NECTIN3: variants seen among roughly 807,000 people sequenced by gnomAD.
NECTIN3 encodes nectin-3.
Under a neutral mutation model 49.4 loss-of-function variants are expected in NECTIN3, and 8 were observed. The observed-to-expected ratio is 0.16, with a 90% confidence interval of 0.10 to 0.29. The LOEUF is 0.29. NECTIN3 is among the 10% of genes least tolerant of loss of function. The pLI is 1.00. For synonymous variants in NECTIN3, 277 were observed against 241.1 expected (o/e 1.15, Z -1.38); for missense variants, 581 against 654.6 (o/e 0.89, Z 1.23).
chr3:111,088,640 A>T (rs2032076427), intron 1 of NECTIN3, among the ~76,000 whole-genome samples: 1 of 152,144 alleles, frequency 6.6e-6, no homozygotes, highest in Non-Finnish European at 1.5e-5. Flanking sequence ...GGTGAATTAC[A>T]TTTATAAAAA....
At chr3:111,189,073 A>G (rs2035770456), upstream of NECTIN3, among the ~76,000 whole-genome samples, 1 of 152,068 alleles carries the variant, frequency 6.6e-6, no homozygotes, top group South Asian at 2.1e-4. Context: ...ACTTTTCAAC[A>G]TGATTGTACT....
chr3:111,085,204 A>G (rs1007824633), intron 1 of NECTIN3, among the ~76,000 whole-genome samples: 1 of 152,334 alleles, frequency 6.6e-6, no homozygotes, highest in South Asian at 2.1e-4. Context: ...TGGACACTCT[A>G]TTTCCAAATA....
intron 5 of NECTIN3, among the ~76,000 whole-genome samples, chr3:111,143,262 C>T (rs1020400173): frequency 2.6e-5 from 4 of 151,444 alleles, no homozygotes; most frequent in African/African-American, 9.7e-5. Context: ...AATTGAGCAA[C>T]AATAGATAAA....
rs1216132036 is a variant in NECTIN3 at position 111,071,914 on chromosome 3, G to GACGCGCGCGCCGGAC, written c.-103_-89dup. ...GACGGCGCTAGAGCTGGGAGCTGGG[G>GACGCGCGCGCCGGAC]ACGCGCGCGCCGGACCTTCCACAGC... On this transcript the variant is annotated 5_prime_UTR_variant, in exon 1 of 6. Coordinates refer to ENST00000485303, the MANE Select transcript of NECTIN3 (RefSeq NM_015480.3). 1 of 742,796 alleles carries GACGCGCGCGCCGGAC rather than the reference G, an allele frequency of 1.3e-6. No homozygotes were observed. Among genetic ancestry groups the GACGCGCGCGCCGGAC allele is most frequent in the Non-Finnish European group, 1.9e-6 (1 of 526,102 alleles). 46.0% of individuals were successfully genotyped at this position (742,796 alleles called of 1,614,324 possible).
chr3:111,176,591 C>T (rs894424731), intron 7 of NECTIN3, among the ~76,000 whole-genome samples: 1 of 152,050 alleles, frequency 6.6e-6, no homozygotes, highest in Non-Finnish European at 1.5e-5. Context: ...CAGACAGTTT[C>T]TCTTTGTATT....
intron 7 of NECTIN3, among the ~76,000 whole-genome samples, chr3:111,151,406 T>C (rs1392383710): frequency 6.6e-6 from 1 of 151,940 alleles, no homozygotes; most frequent in Non-Finnish European, 1.5e-5. Context: ...ATAATATCAC[T>C]GTATCAAGTA....
chr3:111,142,548 T>C (rs2034773929), downstream of NECTIN3, among the ~76,000 whole-genome samples: 2 of 151,812 alleles, frequency 1.3e-5, no homozygotes, highest in South Asian at 4.1e-4. Flanking sequence ...TGTTTAAGAA[T>C]ATATATTTAG....
At chr3:111,080,332 G>C (rs1037934531) in intron 1 of NECTIN3, among the ~76,000 whole-genome samples, 6 of 151,852 alleles carry the variant, frequency 4.0e-5, no homozygotes, top group Non-Finnish European at 8.8e-5. Flanking sequence ...TATATTTATA[G>C]TTAATAGTAA....
intron 1 of NECTIN3, chr3:111,072,468 C>G (rs1379127772): frequency 1.3e-6 from 2 of 1,535,794 alleles, no homozygotes; most frequent in South Asian, 2.4e-5. Context: ...TCCGGGTTTG[C>G]TCCGGGGACC....
chr3:111,140,930 G>A (rs982971805), downstream of NECTIN3, among the ~76,000 whole-genome samples: 7 of 151,852 alleles, frequency 4.6e-5, no homozygotes, highest in Admixed American at 2.6e-4. Context: ...AAGATAAGTG[G>A]TAATATTTCT....
chr3:111,171,096 A>G (rs1276130144), intron 7 of NECTIN3, among the ~76,000 whole-genome samples: 1 of 152,196 alleles, frequency 6.6e-6, no homozygotes, highest in East Asian at 1.9e-4. Context: ...ACCTCATGAA[A>G]TTCTCATAAC....
intron 1 of NECTIN3, among the ~76,000 whole-genome samples, chr3:111,086,194 A>G (rs1373085744): frequency 1.3e-5 from 2 of 151,624 alleles, no homozygotes; most frequent in Admixed American, 6.6e-5. Context: ...CTAAATATGA[A>G]CCCTTTGTTA....
intron 3 of NECTIN3, 102 bp downstream of exon 3, chr3:111,119,054 T>C: frequency 1.8e-6 from 2 of 1,109,754 alleles, no homozygotes; most frequent in Non-Finnish European, 2.5e-6. Flanking sequence ...TTTGTTTTTC[T>C]TTTAATTTTG....
intron 5 of NECTIN3, among the ~76,000 whole-genome samples, chr3:111,144,258 A>G (rs1220705312): frequency 4.6e-5 from 7 of 152,006 alleles, no homozygotes; most frequent in Admixed American, 2.0e-4. Flanking sequence ...ACATATGTCT[A>G]TGGCCAGGAG....
At position 111,112,033 on chromosome 3, in the gene NECTIN3, C is replaced by T. The variant is rs544009917; in HGVS notation, c.164C>T (p.Ala55Val). ...AGTACTTTTTTTTCCTCCATAGGTG[C>T]CTTAGCTGGACCAATTATTGTGGAG... The part of the protein sequence containing the change: ...PLLLFSRLCG[A>V]LAGPIIVEPH... The change falls in exon 2 of 6, where the codon GCC becomes GTC. Residue 55 changes from alanine (A) to valine (V), a missense_variant. Ala to Val is a moderately conservative substitution (Grantham distance 64). Coordinates refer to ENST00000485303, the MANE Select transcript of NECTIN3 (RefSeq NM_015480.3). 22 of 1,601,620 alleles carry T rather than the reference C, an allele frequency of 1.4e-5. No individual in the cohort carries two copies. Among genetic ancestry groups the T allele is most frequent in the Non-Finnish European group, 1.9e-5 (22 of 1,173,288 alleles).
At chr3:111,090,860 A>C (rs2032226373) in intron 1 of NECTIN3, among the ~76,000 whole-genome samples, 6 of 149,112 alleles carry the variant, frequency 4.0e-5, no homozygotes, top group Admixed American at 4.0e-4. Context: ...CATTAAAACC[A>C]CAATCACTTT....
chr3:111,131,499 G>T (rs936607405), intron 5 of NECTIN3, among the ~76,000 whole-genome samples: 1 of 151,820 alleles, frequency 6.6e-6, no homozygotes, highest in Non-Finnish European at 1.5e-5. Flanking sequence ...GTATTAAATG[G>T]CCTCTCTTTC....
At chr3:111,141,335 C>T (rs774253263), downstream of NECTIN3, among the ~76,000 whole-genome samples, 5 of 151,726 alleles carry the variant, frequency 3.3e-5, no homozygotes, top group Non-Finnish European at 7.4e-5. Flanking sequence ...GATGTCATCA[C>T]TAAAGTTTTG....
chr3:111,085,000 C>CT (rs1462927762), intron 1 of NECTIN3, among the ~76,000 whole-genome samples: 2 of 152,144 alleles, frequency 1.3e-5, no homozygotes, highest in Non-Finnish European at 2.9e-5. Flanking sequence ...CCTTCCTTGC[C>CT]TTTTTCTGCC....
Sources: gnomAD v4.1 joint callset for allele counts (sites outside exome capture counted in the v4.1 genomes callset) on GRCh38, gnomAD v4.1.1 for gene constraint, MANE v1.5 for transcripts, NCBI Gene and HGNC (gene_info 2026-07-23, HGNC 2026-07-21) for gene names.